ADCY8: variants seen among roughly 807,000 people sequenced by gnomAD.
ADCY8 encodes adenylate cyclase 8, also known as adenylate cyclase type 8.
A neutral mutation model predicts 119.7 loss-of-function variants in ADCY8; 51 were observed. The observed-to-expected ratio is 0.43, with a 90% CI of 0.34 to 0.54. The LOEUF is 0.54. Ranked by LOEUF, ADCY8 falls within the 20% of genes least tolerant of loss-of-function variation. The probability of loss-of-function intolerance (pLI) is 0.03; values close to 1 mark genes in which losing one functional copy is unlikely to be tolerated. For synonymous variants in ADCY8, 665 were observed against 651.0 expected (o/e 1.02, Z -0.33); for missense variants, 1,383 against 1,598.8 (o/e 0.87, Z 2.30).
intron 14 of ADCY8, among the ~76,000 whole-genome samples, chr8:130,810,138 G>C (rs1816115552): frequency 1.3e-5 from 2 of 152,124 alleles, no homozygotes; most frequent in African/African-American, 4.8e-5. Flanking sequence ...GGGTGCTATT[G>C]TGGCTCCGTG....
In ADCY8 at chr8:130,800,510, C is replaced by T. The variant is rs62640023; in HGVS notation, c.2976G>A (p.Ala992=). The change falls in exon 15 of 18, where the codon GCG becomes GCA. Residue 992 remains alanine (A), a synonymous_variant. Transcript: ENST00000286355. ...GVMFASIPGF[A]DFYSQTEMNN... ...TCATTTCAGTCTGAGAGTAAAAGTC[C>T]GCAAATCCTGGGATGGAGGCAAACA... 4.4e-3 allele frequency: 7,022 copies of T among 1,614,040 alleles called. 246 individuals carry two copies. In the African/African-American group the frequency reaches 0.079, roughly 18 times the overall value.
At chr8:130,985,568 A>G (rs1822378003) in intron 2 of ADCY8, among the ~76,000 whole-genome samples, 1 of 152,140 alleles carries the variant, frequency 6.6e-6, no homozygotes, top group Non-Finnish European at 1.5e-5. Context: ...TAATGAGAAG[A>G]CCCATCTAGT....
chr8:130,803,375 C>A (rs184371650), intron 14 of ADCY8, among the ~76,000 whole-genome samples: 62 of 152,312 alleles, frequency 4.1e-4, no homozygotes, highest in Non-Finnish European at 7.9e-4. Flanking sequence ...GCATTACTGT[C>A]TTAACATCCA....
At chr8:130,912,403 CT>C (rs1389956826) in intron 5 of ADCY8, among the ~76,000 whole-genome samples, 2 of 152,130 alleles carry the variant, frequency 1.3e-5, no homozygotes, top group East Asian at 3.9e-4. Flanking sequence ...TATATCCAAG[CT>C]TTTTGGTAAA....
chr8:130,915,257 A>G (rs147213998), intron 5 of ADCY8, among the ~76,000 whole-genome samples: 2 of 152,362 alleles, frequency 1.3e-5, no homozygotes, highest in African/African-American at 4.8e-5. Flanking sequence ...TGTTATAATT[A>G]TAAGGTAAAA....
intron 7 of ADCY8, among the ~76,000 whole-genome samples, chr8:130,900,911 G>A (rs1819577019): frequency 1.3e-5 from 2 of 152,124 alleles, no homozygotes; most frequent in Admixed American, 6.5e-5. Flanking sequence ...GACACTTCAA[G>A]CTCCACATGT....
chr8:130,823,874 C>T (rs6996688), intron 12 of ADCY8, among the ~76,000 whole-genome samples: 26,553 of 152,218 alleles, frequency 0.17, 2,721 homozygotes, highest in East Asian at 0.24. Flanking sequence ...AGCTCTCATA[C>T]TGTTTCGTAA....
chr8:131,015,410 A>G (rs999018461), intron 1 of ADCY8, among the ~76,000 whole-genome samples: 7 of 152,198 alleles, frequency 4.6e-5, no homozygotes, highest in Admixed American at 2.0e-4. Flanking sequence ...TGAGCGCACT[A>G]TGCAGGTATC....
At chr8:130,916,539 C>G (rs1820134335) in intron 5 of ADCY8, among the ~76,000 whole-genome samples, 1 of 152,160 alleles carries the variant, frequency 6.6e-6, no homozygotes, top group Admixed American at 6.5e-5. Flanking sequence ...ATAAACTGGC[C>G]CCAAAACTGG....
chr8:131,007,096 A>G (rs1823143027), intron 1 of ADCY8, among the ~76,000 whole-genome samples: 1 of 152,218 alleles, frequency 6.6e-6, no homozygotes, highest in Admixed American at 6.5e-5. Flanking sequence ...AGTAAAAAAG[A>G]AAATCTTATG....
At chr8:130,781,346 G>A (rs1033333540) in intron 17 of ADCY8, among the ~76,000 whole-genome samples, 1 of 152,076 alleles carries the variant, frequency 6.6e-6, no homozygotes, top group African/African-American at 2.4e-5. Flanking sequence ...CATTCCCTTG[G>A]TCCATGGCGA....
intron 7 of ADCY8, among the ~76,000 whole-genome samples, chr8:130,900,110 G>C (rs1250098944): frequency 6.6e-6 from 1 of 152,318 alleles, no homozygotes; most frequent in Non-Finnish European, 1.5e-5. Context: ...ATCAAATTAA[G>C]AGGCAGAACA....
chr8:130,971,974 G>A (rs894485691), intron 2 of ADCY8, among the ~76,000 whole-genome samples: 4 of 152,180 alleles, frequency 2.6e-5, no homozygotes, highest in African/African-American at 9.7e-5. Flanking sequence ...AATTTACATA[G>A]AGAATAATGT....
intron 1 of ADCY8, among the ~76,000 whole-genome samples, chr8:131,000,479 G>A (rs1365436360): frequency 2.6e-5 from 4 of 152,162 alleles, no homozygotes; most frequent in African/African-American, 9.7e-5. Flanking sequence ...CTTAATATGT[G>A]CCAGGAATCA....
chr8:131,038,097 T>C (rs961334376), intron 1 of ADCY8, among the ~76,000 whole-genome samples: 6 of 152,048 alleles, frequency 3.9e-5, no homozygotes, highest in South Asian at 4.1e-4. Context: ...TATAGAACCA[T>C]TGGAGAAGAG....
chr8:130,816,438 T>C (rs1468285032), intron 13 of ADCY8, among the ~76,000 whole-genome samples: 1 of 148,282 alleles, frequency 6.7e-6, no homozygotes, highest in Non-Finnish European at 1.5e-5. Context: ...TTTTTTTTTT[T>C]TTTTTGAGAC....
Position 130,790,059 on chromosome 8 carries a change from G to T in ADCY8, c.3061-4584C>A, listed in dbSNP as rs534743054. On this transcript the variant is annotated intron_variant, in intron 15 of 17. Coordinates refer to ENST00000286355, the MANE Select transcript of ADCY8 (RefSeq NM_001115.3). The stretch of plus-strand genomic sequence containing the variant: ...TATTATATTCCAGGCACTGAGGTAG[G>T]GATACAAAGTCTTTGCCTTTGATGG... Among the ~76,000 whole-genome samples, 37 of 152,204 alleles carry T rather than the reference G, an allele frequency of 2.4e-4. 1 individual carries two copies. The highest frequency in any genetic ancestry group is 8.2e-4 in the African/African-American group (34 of 41,516).
At position 131,039,461 on chromosome 8, in the gene ADCY8, C is replaced by A; in HGVS notation, c.873G>T (p.Trp291Cys). ...TYSMLPLPLT[W>C]AILAGLGTSL... ...AGGTGCCCAGGCCGGCCAGGATGGCCCAGGTGAGCGGCAGCGGCAGCATAC... is the reference window on the plus strand; with the variant it reads ...AGGTGCCCAGGCCGGCCAGGATGGCACAGGTGAGCGGCAGCGGCAGCATAC... The change falls in exon 1 of 18, where the codon TGG becomes TGT. Residue 291 changes from tryptophan (W) to cysteine (C), a missense_variant. Transcript: ENST00000286355. The A allele has an allele frequency of 1.2e-6, 2 of 1,614,118 alleles. No homozygotes were observed. Among genetic ancestry groups the A allele is most frequent in the Non-Finnish European group, 1.7e-6 (2 of 1,180,036 alleles).
chr8:130,868,461 G>A (rs114575473), intron 8 of ADCY8, among the ~76,000 whole-genome samples: 2,307 of 152,220 alleles, frequency 0.015, 60 homozygotes, highest in African/African-American at 0.052. Flanking sequence ...GAGAAACCAA[G>A]ACTAATAGAC....
Sources: allele counts gnomAD v4.1 joint callset (sites outside exome capture counted in the v4.1 genomes callset), GRCh38; gene constraint gnomAD v4.1.1; transcripts MANE v1.5; gene names NCBI Gene and HGNC (gene_info 2026-07-23, HGNC 2026-07-21).